The following TRIM36 variants were observed in gnomAD, a reference collection of about 807,000 sequenced individuals.
The protein encoded by TRIM36 is tripartite motif containing 36.
TRIM36 carries 42 observed loss-of-function variants against 72.4 expected under a neutral mutation model. The ratio of observed to expected loss-of-function variants is 0.58; its 90% CI spans 0.45 to 0.75. TRIM36 has a LOEUF of 0.75. TRIM36 is among the 30% of genes least tolerant of loss of function. The pLI, the probability that TRIM36 is intolerant of heterozygous loss-of-function variation, is 0.00. For missense variants in TRIM36, 913 were observed against 857.1 expected (o/e 1.07, Z -0.81); for synonymous variants, 315 against 282.8 (o/e 1.11, Z -1.14).
At chr5:115,151,185 T>G (rs938073151) in intron 2 of TRIM36, among the ~76,000 whole-genome samples, 1 of 152,168 alleles carries the variant, frequency 6.6e-6, no homozygotes, top group African/African-American at 2.4e-5. Flanking sequence ...GGTACTGTTG[T>G]TGGGGGTACA....
At chr5:115,129,472 C>A (rs1283600306) in intron 9 of TRIM36, among the ~76,000 whole-genome samples, 1 of 152,074 alleles carries the variant, frequency 6.6e-6, no homozygotes, top group East Asian at 1.9e-4. Context: ...GCAGAAGAAT[C>A]GCTTGAACCC....
intron 9 of TRIM36, among the ~76,000 whole-genome samples, chr5:115,128,186 A>G (rs1008322540): frequency 1.1e-4 from 16 of 151,376 alleles, no homozygotes; most frequent in African/African-American, 3.2e-4. Context: ...CCTGACCAAC[A>G]TGGGGAAATT....
In TRIM36 at chr5:115,141,266, G is replaced by C; in HGVS notation, c.831+13C>G. 1.3e-6 allele frequency: 2 copies of C among 1,547,618 alleles called. No individual in the cohort carries two copies. Among genetic ancestry groups the C allele is most frequent in the Non-Finnish European group, 1.8e-6 (2 of 1,136,420 alleles). On this transcript the variant is annotated intron_variant, in intron 5 of 9. Coordinates refer to ENST00000513154, the MANE Select transcript of TRIM36 (RefSeq NM_001300759.2). The stretch of plus-strand genomic sequence containing the variant: ...ACAATAATTTAAAATATGCAAGCTA[G>C]TTTATCACTTACCTCTGTTTCTTTC...
At chr5:115,180,116 T>C (rs1490817173) in exon 1 of TRIM36, 29 of 1,457,276 alleles carry the variant, frequency 2.0e-5, no homozygotes, top group Non-Finnish European at 2.8e-5. Flanking sequence ...TTTCTGTTTT[T>C]AGTCTGAGTT....
chr5:115,151,798 GA>G (rs1330647247), intron 2 of TRIM36, among the ~76,000 whole-genome samples: 2 of 152,084 alleles, frequency 1.3e-5, no homozygotes, highest in African/African-American at 2.4e-5. Flanking sequence ...ACTACAACTC[GA>G]CTCCCAGGAA....
At chr5:115,129,439 T>A (rs1245691376) in intron 9 of TRIM36, among the ~76,000 whole-genome samples, 1 of 152,060 alleles carries the variant, frequency 6.6e-6, no homozygotes, top group East Asian at 1.9e-4. Flanking sequence ...ATGCCTATAA[T>A]CCCAGCTATT....
chr5:115,134,493 T>G (rs988641046), intron 7 of TRIM36, among the ~76,000 whole-genome samples: 1 of 152,088 alleles, frequency 6.6e-6, no homozygotes, highest in South Asian at 2.1e-4. Flanking sequence ...AAACAAACTA[T>G]TATTTTAATA....
At chr5:115,179,728 G>A (rs919091805) in intron 1 of TRIM36, among the ~76,000 whole-genome samples, 3 of 152,202 alleles carry the variant, frequency 2.0e-5, no homozygotes, top group African/African-American at 7.2e-5. Flanking sequence ...CCCTATTGCT[G>A]CCCAGCTGGC....
At chr5:115,171,823 CA>C (rs1185649452), upstream of TRIM36, among the ~76,000 whole-genome samples, 2 of 152,028 alleles carry the variant, frequency 1.3e-5, no homozygotes, top group Non-Finnish European at 2.9e-5. Context: ...ACTGTGTCTC[CA>C]AAAAAATAAA....
In TRIM36 at chr5:115,130,906, A is replaced by G; in HGVS notation, c.1499-17T>C. ...AGCTGAAAACTAAATGGAGCTTAAA[A>G]TTAATATCAGGCTAAAAATTATCAT... is the stretch of plus-strand genomic sequence containing the variant. On this transcript the variant is annotated splice_polypyrimidine_tract_variant and intron_variant, in intron 8 of 9. Coordinates refer to ENST00000513154, the MANE Select transcript of TRIM36 (RefSeq NM_001300759.2). 1 of 1,593,098 alleles carries G rather than the reference A, an allele frequency of 6.3e-7. No individual in the cohort carries two copies. Among genetic ancestry groups the G allele is most frequent in the Non-Finnish European group, 8.6e-7 (1 of 1,169,388 alleles).
At chr5:115,150,092 G>T (rs1421668384) in intron 2 of TRIM36, among the ~76,000 whole-genome samples, 1 of 152,148 alleles carries the variant, frequency 6.6e-6, no homozygotes, top group Non-Finnish European at 1.5e-5. Flanking sequence ...AAATGCTAAA[G>T]AACTTTTATT....
intron 1 of TRIM36, among the ~76,000 whole-genome samples, chr5:115,166,796 G>A (rs947192739): frequency 3.3e-5 from 5 of 152,124 alleles, no homozygotes; most frequent in East Asian, 1.9e-4. Flanking sequence ...TGCAGTTGCC[G>A]GCATCTCCAA....
rs999611752 is a variant in TRIM36 at position 115,126,464 on chromosome 5, G to C, written c.*39C>G. ...AAGGTTAACGCTAAGGCATTGCTTT[G>C]TTTACAGTTTTTATCCTGAGTCACA... On this transcript the variant is annotated 3_prime_UTR_variant, in exon 10 of 10. Coordinates refer to ENST00000513154, the MANE Select transcript of TRIM36 (RefSeq NM_001300759.2). 1.9e-6 allele frequency: 3 copies of C among 1,539,154 alleles called. No individual in the cohort carries two copies. In the African/African-American group the frequency reaches 4.1e-5, roughly 21 times the overall value.
intron 1 of TRIM36, among the ~76,000 whole-genome samples, chr5:115,168,287 T>C (rs939723078): frequency 3.3e-5 from 5 of 152,224 alleles, no homozygotes; most frequent in African/African-American, 1.2e-4. Flanking sequence ...TTTAGACTCA[T>C]CACAACTAAA....
chr5:115,128,294 A>G (rs1388664114), intron 9 of TRIM36, among the ~76,000 whole-genome samples: 1 of 150,600 alleles, frequency 6.6e-6, no homozygotes, highest in Non-Finnish European at 1.5e-5. Flanking sequence ...GCTTGAACCC[A>G]GGAGGTGGAG....
intron 6 of TRIM36, 95 bp from the exon 7 acceptor site, chr5:115,137,219 A>C (rs1185671710): frequency 1.4e-6 from 2 of 1,475,140 alleles, no homozygotes; most frequent in African/African-American, 1.4e-5. Context: ...CCCACACTTC[A>C]CTCAAAATTA....
At chr5:115,131,269 A>AT (rs1752662105) in intron 8 of TRIM36, among the ~76,000 whole-genome samples, 1 of 152,150 alleles carries the variant, frequency 6.6e-6, no homozygotes, top group Non-Finnish European at 1.5e-5. Context: ...ATAGTTCTAC[A>AT]TTTTCTTATT....
At chr5:115,169,975 G>A, upstream of TRIM36, 1 of 1,153,898 alleles carries the variant, frequency 8.7e-7, no homozygotes, top group Non-Finnish European at 1.1e-6. Context: ...GCGTGGCCTG[G>A]TCGTTGCCCA....
chr5:115,148,718 T>A (rs890670941), intron 2 of TRIM36: 1 of 152,252 alleles, frequency 6.6e-6, no homozygotes, highest in African/African-American at 2.4e-5. Context: ...CGTAAATCTG[T>A]TCTTAAGAGT....
Sources: allele counts gnomAD v4.1 joint callset (sites outside exome capture counted in the v4.1 genomes callset), GRCh38; gene constraint gnomAD v4.1.1; transcripts MANE v1.5; gene names NCBI Gene and HGNC (gene_info 2026-07-23, HGNC 2026-07-21).